The following PLA2G4E variants were observed in gnomAD, a reference collection of about 807,000 sequenced individuals.
PLA2G4E encodes cytosolic phospholipase A2 epsilon.
PLA2G4E carries 84 observed loss-of-function variants against 109.1 expected under a neutral mutation model. That is an observed-to-expected ratio of 0.77 (90% CI 0.65 to 0.92). PLA2G4E has a LOEUF of 0.92. Ranked by LOEUF, PLA2G4E falls within the 40% of genes least tolerant of loss-of-function variation. The pLI, the probability that PLA2G4E is intolerant of heterozygous loss-of-function variation, is 0.00. For synonymous variants in PLA2G4E, 469 were observed against 436.1 expected, an observed-to-expected ratio of 1.08 and a Z score of -0.94; for missense variants, 1,057 against 1,076.6, an observed-to-expected ratio of 0.98 and a Z score of 0.25.
chr15:41,993,972 ATCTG>A (rs879813096), intron 12 of PLA2G4E, among the ~76,000 whole-genome samples: 1 of 150,376 alleles, frequency 6.6e-6, no homozygotes, highest in South Asian at 2.1e-4. Context: ...TCCTCCTGCT[ATCTG>A]TCTATCGCAT....
At chr15:42,006,802 G>A (rs1187455431) in intron 3 of PLA2G4E, among the ~76,000 whole-genome samples, 1 of 152,106 alleles carries the variant, frequency 6.6e-6, no homozygotes, top group African/African-American at 2.4e-5. Context: ...AATACATCTA[G>A]TGGACATAAG....
rs551394939 is a variant in PLA2G4E, at chr15:41,990,071, A to G, written c.1585+50T>C. On this transcript the variant is annotated intron_variant, in intron 14 of 19. Transcript: ENST00000399518. ...AGGTGCTGGGTGCTTTTGCCCACCAAGAAGTCCCCCCCTCCACCCCACTTG... is the reference window on the plus strand; with the variant it reads ...AGGTGCTGGGTGCTTTTGCCCACCAGGAAGTCCCCCCCTCCACCCCACTTG... 3.3e-6 allele frequency: 5 copies of G among 1,509,126 alleles called. No homozygotes were observed. In the East Asian group the frequency reaches 1.1e-4, roughly 34 times the overall value. The allele number at this position is 1,509,126 out of a possible 1,614,324, so 93.5% of individuals were successfully genotyped here.
intron 1 of PLA2G4E, among the ~76,000 whole-genome samples, chr15:42,049,398 CT>C (rs1889470949): frequency 6.6e-6 from 1 of 152,226 alleles, no homozygotes; most frequent in Non-Finnish European, 1.5e-5. Flanking sequence ...ACCAAATCCC[CT>C]CCTAAGGGTC....
In PLA2G4E at chr15:41,995,514, C is replaced by T. The variant is rs777500281; in HGVS notation, c.1111-18G>A. 2 of 1,609,824 alleles carry T rather than the reference C, an allele frequency of 1.2e-6. No individual in the cohort carries two copies. Among genetic ancestry groups the T allele is most frequent in the South Asian group, 1.1e-5 (1 of 90,988 alleles). On this transcript the variant is annotated intron_variant, in intron 11 of 19. Coordinates refer to ENST00000399518, the Ensembl canonical transcript of PLA2G4E. Reference sequence around the variant, plus strand: ...AGCGGCACCTGGGGTTACACAGAGGCAGGCGGTTGGGGAAGGCTCCAGAAG... The same window carrying T: ...AGCGGCACCTGGGGTTACACAGAGGTAGGCGGTTGGGGAAGGCTCCAGAAG...
intron 7 of PLA2G4E, among the ~76,000 whole-genome samples, 199 bp downstream of exon 7, chr15:42,000,958 G>A (rs1359737255): frequency 1.3e-5 from 2 of 152,170 alleles, no homozygotes; most frequent in Non-Finnish European, 2.9e-5. Flanking sequence ...GTGCTTGGGC[G>A]AACACGCCCT....
chr15:42,036,794 G>T (rs561892239), intron 1 of PLA2G4E, among the ~76,000 whole-genome samples: 15 of 152,278 alleles, frequency 9.9e-5, no homozygotes, highest in African/African-American at 3.1e-4. Flanking sequence ...GGGAGCCGGG[G>T]AGCAGGCAAC....
Position 41,984,062 on chromosome 15 carries a change from C to T in PLA2G4E, c.2387-88G>A, listed in dbSNP as rs374785475. ...ACATCTCTCCCCAAGGCCCACCAAC[C>T]TGCACTCACGGACACACACACCTGC... is the stretch of plus-strand genomic sequence containing the variant. On this transcript the variant is annotated intron_variant, in intron 19 of 19. Transcript: ENST00000399518. 31 of 1,210,412 alleles carry T rather than the reference C, an allele frequency of 2.6e-5. No individual in the cohort carries two copies. In the African/African-American group the frequency reaches 4.4e-4, roughly 17 times the overall value. The allele number at this position is 1,210,412 out of a possible 1,614,324, so 75.0% of individuals were successfully genotyped here.
At position 42,030,732 on chromosome 15, in the gene PLA2G4E, C is replaced by T. The variant is rs560877736; in HGVS notation, c.184-16975G>A. Among the ~76,000 whole-genome samples, 13 of 152,356 alleles carry T rather than the reference C, an allele frequency of 8.5e-5. No individual in the cohort carries two copies. In the South Asian group the frequency reaches 2.7e-3, roughly 32 times the overall value. On this transcript the variant is annotated intron_variant, in intron 1 of 19. Transcript: ENST00000399518. ...GCTTCCCCCTCAGCCCAAGTAACCA[C>T]TCATTTGCCTCCTGTTGCTGTAGAC...
At chr15:42,002,433 G>T (rs1372908068) in intron 6 of PLA2G4E, among the ~76,000 whole-genome samples, 1 of 152,080 alleles carries the variant, frequency 6.6e-6, no homozygotes, top group Non-Finnish European at 1.5e-5. Flanking sequence ...CTCGGCCAGG[G>T]TGATGTCCCA....
At chr15:42,028,265 T>TA (rs1343058902) in intron 1 of PLA2G4E, among the ~76,000 whole-genome samples, 1 of 152,204 alleles carries the variant, frequency 6.6e-6, no homozygotes, top group Non-Finnish European at 1.5e-5. Flanking sequence ...GTCACGATGG[T>TA]AAGTGACAGA....
chr15:42,004,981 G>A lies in PLA2G4E; in HGVS notation c.526-3C>T. 2 of 1,612,782 alleles carry A rather than the reference G, an allele frequency of 1.2e-6. No individual in the cohort carries two copies. Among genetic ancestry groups the A allele is most frequent in the Non-Finnish European group, 1.7e-6 (2 of 1,179,566 alleles). ...TCCACCTCCAGCTCTTCCATGCCCT[G>A]GTAGGGGAGGGAGGGAAGGCAGCTG... On this transcript the variant is annotated splice_region_variant and splice_polypyrimidine_tract_variant and intron_variant, in intron 4 of 19. Transcript: ENST00000399518.
At chr15:42,008,610 C>T (rs558620993) in intron 2 of PLA2G4E, among the ~76,000 whole-genome samples, 28 of 152,298 alleles carry the variant, frequency 1.8e-4, no homozygotes, top group African/African-American at 6.3e-4. Context: ...AACAAGCCCT[C>T]CCAAAATGAC....
intron 1 of PLA2G4E, among the ~76,000 whole-genome samples, chr15:42,016,240 AC>A (rs1339975907): frequency 7.4e-5 from 8 of 108,556 alleles, no homozygotes; most frequent in African/African-American, 2.4e-4. Context: ...TTTTATCTTT[AC>A]TTTTTTTTTT....
At chr15:42,045,064 C>T (rs937109454) in intron 1 of PLA2G4E, among the ~76,000 whole-genome samples, 1 of 151,944 alleles carries the variant, frequency 6.6e-6, no homozygotes, top group Non-Finnish European at 1.5e-5. Flanking sequence ...CCAGTGGGCT[C>T]CAGTGACCCA....
At chr15:42,006,344 G>C (rs1167676496) in intron 3 of PLA2G4E, 2 of 423,620 alleles carry the variant, frequency 4.7e-6, no homozygotes, top group Non-Finnish European at 8.3e-6. Context: ...TTGGCCTTCT[G>C]TTCTCACTTT....
At chr15:42,017,797 G>A (rs539192767) in intron 1 of PLA2G4E, among the ~76,000 whole-genome samples, 10 of 152,274 alleles carry the variant, frequency 6.6e-5, no homozygotes, top group African/African-American at 2.4e-4. Flanking sequence ...CACTCTTACT[G>A]GCTGTTTCTA....
chr15:42,013,188 G>A (rs2068554796), intron 2 of PLA2G4E, among the ~76,000 whole-genome samples: 1 of 152,206 alleles, frequency 6.6e-6, no homozygotes, highest in Non-Finnish European at 1.5e-5. Context: ...CTCTGGCATG[G>A]TCCCCAGAGC....
intron 1 of PLA2G4E, among the ~76,000 whole-genome samples, chr15:42,023,622 A>G (rs980952428): frequency 6.6e-6 from 1 of 152,034 alleles, no homozygotes; most frequent in Non-Finnish European, 1.5e-5. Context: ...CCACAGCACT[A>G]TACTGTCCTG....
intron 1 of PLA2G4E, among the ~76,000 whole-genome samples, chr15:42,024,122 T>C (rs2068672140): frequency 7.8e-6 from 1 of 128,032 alleles, no homozygotes; most frequent in Non-Finnish European, 1.6e-5. Flanking sequence ...GTGTGGGCTC[T>C]AAGTGGGATG....
Sources: gnomAD v4.1 joint callset for allele counts (sites outside exome capture counted in the v4.1 genomes callset) on GRCh38, gnomAD v4.1.1 for gene constraint, MANE v1.5 for transcripts, NCBI Gene and HGNC (gene_info 2026-07-23, HGNC 2026-07-21) for gene names.